Variants in KLHL2 observed in about 807,000 individuals in gnomAD.
The protein encoded by KLHL2 is kelch-like protein 2.
A neutral mutation model predicts 75.8 loss-of-function variants in KLHL2; 15 were observed. The observed-to-expected ratio is 0.20, with a 90% CI of 0.13 to 0.30. KLHL2 has a LOEUF of 0.30. Among genes scored for constraint, KLHL2 ranks in the 10% least tolerant of loss-of-function variants. The pLI, the probability that KLHL2 is intolerant of heterozygous loss-of-function variation, is 1.00. For synonymous variants in KLHL2, 214 were observed against 251.9 expected (o/e 0.85, Z 1.42); for missense variants, 381 against 741.0 (o/e 0.51, Z 5.64).
chr4:165,294,241 G>A, intron 5 of KLHL2, 118 bp from the exon 6 acceptor site: 1 of 611,832 alleles, frequency 1.6e-6, no homozygotes. Context: ...CTGGAGGTGT[G>A]CAATTGGTTT....
intron 4 of KLHL2, among the ~76,000 whole-genome samples, chr4:165,257,612 A>G (rs1311722075): frequency 6.6e-6 from 1 of 152,202 alleles, no homozygotes; most frequent in African/African-American, 2.4e-5. Flanking sequence ...GGCTGAGAAG[A>G]TTTGTGGTAG....
chr4:165,253,234 A>G (rs1171349293), intron 4 of KLHL2, among the ~76,000 whole-genome samples: 4 of 152,068 alleles, frequency 2.6e-5, no homozygotes, highest in Non-Finnish European at 4.4e-5. Flanking sequence ...AGGTTTCACC[A>G]TGTTGGCCAG....
chr4:165,264,731 T>TATATATATATATATATATATAC (rs1742067341), intron 5 of KLHL2, among the ~76,000 whole-genome samples: 2 of 83,058 alleles, frequency 2.4e-5, no homozygotes, highest in Admixed American at 1.5e-4. Context: ...CATATATATA[T>TATATATATATATATATATATAC]ATATATATGT....
chr4:165,301,830 C>T (rs552570851), intron 8 of KLHL2, among the ~76,000 whole-genome samples: 2 of 151,902 alleles, frequency 1.3e-5, no homozygotes, highest in African/African-American at 2.4e-5. Flanking sequence ...TTCAGACTTT[C>T]CTATATTTAG....
intron 1 of KLHL2, among the ~76,000 whole-genome samples, chr4:165,210,343 T>C (rs963974892): frequency 2.0e-5 from 3 of 152,202 alleles, no homozygotes; most frequent in South Asian, 4.1e-4. Flanking sequence ...CACATTGTCT[T>C]GGAGGGAGGT....
At chr4:165,254,058 C>T (rs911815087) in intron 4 of KLHL2, among the ~76,000 whole-genome samples, 1 of 152,202 alleles carries the variant, frequency 6.6e-6, no homozygotes, top group African/African-American at 2.4e-5. Context: ...TTACTCTGTC[C>T]ACTATGTGTT....
intron 5 of KLHL2, chr4:165,277,785 A>ACACACC (rs1204584506): frequency 2.3e-4 from 136 of 602,962 alleles, no homozygotes; most frequent in African/African-American, 1.5e-3. Context: ...ACACACACAC[A>ACACACC]CCAAATATTT....
intron 13 of KLHL2, among the ~76,000 whole-genome samples, chr4:165,315,420 AGTT>A (rs1404439038): frequency 2.0e-5 from 3 of 152,188 alleles, no homozygotes; most frequent in African/African-American, 7.2e-5. Context: ...TCTGTTGAAA[AGTT>A]GTTTCATATT....
chr4:165,311,068 A>G (rs746634252), intron 10 of KLHL2, among the ~76,000 whole-genome samples: 2 of 152,158 alleles, frequency 1.3e-5, no homozygotes, highest in Non-Finnish European at 2.9e-5. Context: ...CATGTTAGCC[A>G]GGATGGTCTC....
chr4:165,320,022 A>G (rs1746849621), intron 14 of KLHL2, among the ~76,000 whole-genome samples: 1 of 152,172 alleles, frequency 6.6e-6, no homozygotes, highest in African/African-American at 2.4e-5. Flanking sequence ...GTTTGGCTCA[A>G]AAAATGTCAA....
intron 9 of KLHL2, 72 bp from the exon 10 acceptor site, chr4:165,310,481 A>G: frequency 1.6e-6 from 2 of 1,283,778 alleles, no homozygotes; most frequent in Admixed American, 1.7e-5. Flanking sequence ...TAGATTTATC[A>G]GAAAGCAATC....
rs201715557 is a variant in KLHL2 at position 165,294,330 on chromosome 4, A to G, written c.545-29A>G. The G allele has an allele frequency of 1.5e-4, 181 of 1,206,842 alleles. 1 individual carries two copies. The African/African-American group carries it at 2.5e-3, about 16-fold the overall frequency. The allele number at this position is 1,206,842 out of a possible 1,614,324, so 74.8% of individuals were successfully genotyped here. The stretch of plus-strand genomic sequence containing the variant: ...ACTATGATAATGGAATGTTGATGTT[A>G]GTGGATTTTCTTTTTAATTCCCAAA... On this transcript the variant is annotated intron_variant, in intron 5 of 14. Transcript: ENST00000226725.
At chr4:165,246,524 G>A (rs1433856964) in intron 4 of KLHL2, among the ~76,000 whole-genome samples, 2 of 152,106 alleles carry the variant, frequency 1.3e-5, no homozygotes, top group African/African-American at 2.4e-5. Flanking sequence ...GGCCTGGGTT[G>A]TTGGCGTGAG....
At chr4:165,226,235 C>T (rs1243413056) in intron 2 of KLHL2, among the ~76,000 whole-genome samples, 1 of 152,138 alleles carries the variant, frequency 6.6e-6, no homozygotes, top group Non-Finnish European at 1.5e-5. Flanking sequence ...CTCTGCTGAC[C>T]CTGCTTACCT....
intron 4 of KLHL2, among the ~76,000 whole-genome samples, chr4:165,259,639 T>TA (rs1741483872): frequency 6.6e-6 from 1 of 152,244 alleles, no homozygotes; most frequent in Non-Finnish European, 1.5e-5. Flanking sequence ...CCTGATGTAG[T>TA]AATTACTCAG....
At chr4:165,222,843 C>T (rs1385790137) in intron 2 of KLHL2, among the ~76,000 whole-genome samples, 1 of 152,204 alleles carries the variant, frequency 6.6e-6, no homozygotes, top group Non-Finnish European at 1.5e-5. Context: ...CCACTCTGCC[C>T]TTGGGCTCTA....
chr4:165,220,047 A>G lies in KLHL2; in HGVS notation c.140A>G (p.Asn47Ser). ...WHMKKAFKVM[N>S]ELRSQNLLCD... is the part of the protein sequence containing the mutation. ...ATGAAGAAAGCTTTCAAAGTCATGAACGAATTAAGAAGGTATCATTATACT... is the reference window on the plus strand; with the variant it reads ...ATGAAGAAAGCTTTCAAAGTCATGAGCGAATTAAGAAGGTATCATTATACT... Residue 47 changes from asparagine to serine, a missense_variant, in exon 2 of 15, where the codon AAC (asparagine) becomes AGC (serine). Coordinates refer to ENST00000226725, the MANE Select transcript of KLHL2 (RefSeq NM_007246.4). 2 of 1,606,476 alleles carry G rather than the reference A, an allele frequency of 1.2e-6. No individual in the cohort carries two copies. Among genetic ancestry groups the G allele is most frequent in the Non-Finnish European group, 1.7e-6 (2 of 1,178,038 alleles).
intron 4 of KLHL2, among the ~76,000 whole-genome samples, chr4:165,261,546 G>A (rs866694582): frequency 6.6e-6 from 1 of 152,046 alleles, no homozygotes; most frequent in Non-Finnish European, 1.5e-5. Context: ...CACCATGTTG[G>A]CCAGGTGGTC....
intron 5 of KLHL2, among the ~76,000 whole-genome samples, chr4:165,264,951 G>C (rs2111250628): frequency 6.6e-6 from 1 of 151,482 alleles, no homozygotes; most frequent in East Asian, 1.9e-4. Context: ...GGAATCTCCA[G>C]ACTGTTTTCC....
Sources: gnomAD v4.1 joint callset for allele counts (sites outside exome capture counted in the v4.1 genomes callset) on GRCh38, gnomAD v4.1.1 for gene constraint, MANE v1.5 for transcripts, NCBI Gene and HGNC (gene_info 2026-07-23, HGNC 2026-07-21) for gene names.